PLXNA4: variants seen among roughly 807,000 people sequenced by gnomAD.
PLXNA4 encodes the protein plexin A4.
PLXNA4 carries 44 observed loss-of-function variants against 191.8 expected under a neutral mutation model. That is an observed-to-expected ratio of 0.23 (90% confidence interval 0.18 to 0.29). PLXNA4 has a LOEUF of 0.29. Among genes scored for constraint, PLXNA4 ranks in the 10% least tolerant of loss-of-function variants. PLXNA4 has a pLI of 1.00. For synonymous variants in PLXNA4, 1,082 were observed against 1,009.5 expected (o/e 1.07, Z -1.36); for missense variants, 1,800 against 2,488.8 (o/e 0.72, Z 5.89).
At chr7:132,430,294 G>A (rs1795211530) in intron 3 of PLXNA4, among the ~76,000 whole-genome samples, 1 of 152,170 alleles carries the variant, frequency 6.6e-6, no homozygotes, top group African/African-American at 2.4e-5. Flanking sequence ...TGACAGCAGG[G>A]ACATTACTCC....
intron 3 of PLXNA4, among the ~76,000 whole-genome samples, chr7:132,450,734 T>C (rs141614924): frequency 7.9e-5 from 12 of 152,334 alleles, no homozygotes; most frequent in African/African-American, 2.9e-4. Flanking sequence ...TCCCCAGGAC[T>C]CCTAGCCCCC....
chr7:132,404,880 A>G (rs1356235718), intron 3 of PLXNA4, among the ~76,000 whole-genome samples: 5 of 152,086 alleles, frequency 3.3e-5, no homozygotes, highest in Non-Finnish European at 5.9e-5. Flanking sequence ...ACGAAGCTTC[A>G]GGGGGAGTAC....
intron 3 of PLXNA4, among the ~76,000 whole-genome samples, chr7:132,412,110 C>T (rs183314959): frequency 3.3e-5 from 5 of 152,328 alleles, no homozygotes; most frequent in Admixed American, 6.5e-5. Context: ...TCCTCACATT[C>T]TTTAGGTCTC....
Position 132,180,022 on chromosome 7 carries a change from G to T in PLXNA4, c.3640-101C>A, listed in dbSNP as rs1214076501. 5 of 1,457,648 alleles carry T rather than the reference G, an allele frequency of 3.4e-6. No individual in the cohort carries two copies. The African/African-American group carries it at 5.6e-5, about 16-fold the overall frequency. 90.3% of individuals were successfully genotyped at this position (1,457,648 alleles called of 1,614,324 possible). On this transcript the variant is annotated intron_variant, in intron 19 of 31. Coordinates refer to ENST00000321063, the MANE Select transcript of PLXNA4 (RefSeq NM_020911.2). ...AACTAGTGACCAGGGCAGGATGACG[G>T]AAAGGAGACCAATCACTGGTGTCAA...
At chr7:132,634,231 G>A (rs1185225117) in intron 2 of PLXNA4, among the ~76,000 whole-genome samples, 1 of 152,126 alleles carries the variant, frequency 6.6e-6, no homozygotes, top group East Asian at 1.9e-4. Context: ...AGGTTCCCGG[G>A]TAGAGGATAC....
intron 1 of PLXNA4, among the ~76,000 whole-genome samples, chr7:132,548,409 T>C (rs1040238818): frequency 2.0e-5 from 3 of 152,170 alleles, no homozygotes; most frequent in Admixed American, 2.0e-4. Flanking sequence ...TGTATGTATT[T>C]GGGGGTTTTG....
At chr7:132,164,837 T>C (rs1291779796) in intron 23 of PLXNA4, among the ~76,000 whole-genome samples, 3 of 152,264 alleles carry the variant, frequency 2.0e-5, no homozygotes, top group Middle Eastern at 3.4e-3. Flanking sequence ...AATGGGCAAA[T>C]TGTTTTTAAC....
chr7:132,501,700 G>C (rs1235945669), intron 2 of PLXNA4, among the ~76,000 whole-genome samples: 2 of 152,220 alleles, frequency 1.3e-5, no homozygotes, highest in Non-Finnish European at 2.9e-5. Flanking sequence ...CTAAATACCT[G>C]AGACAGGTGC....
At chr7:132,385,322 T>C (rs1267098158) in intron 3 of PLXNA4, 13 of 1,597,308 alleles carry the variant, frequency 8.1e-6, no homozygotes, top group Non-Finnish European at 1.1e-5. Context: ...CTTAGCAGAC[T>C]TAGACCATGG....
chr7:132,206,388 C>A (rs1327193717), intron 10 of PLXNA4, among the ~76,000 whole-genome samples: 1 of 151,534 alleles, frequency 6.6e-6, no homozygotes, highest in Non-Finnish European at 1.5e-5. Flanking sequence ...CTGTGCCAGA[C>A]CCTTAATATG....
intron 2 of PLXNA4, among the ~76,000 whole-genome samples, chr7:132,614,921 A>T (rs1190425581): frequency 6.6e-6 from 1 of 152,116 alleles, no homozygotes; most frequent in Non-Finnish European, 1.5e-5. Context: ...GCCGGCTTCC[A>T]AGTTCCAGAG....
chr7:132,645,115 C>A (rs1212624547), intron 2 of PLXNA4, among the ~76,000 whole-genome samples: 1 of 152,294 alleles, frequency 6.6e-6, no homozygotes, highest in South Asian at 2.1e-4. Context: ...ACTAACGATG[C>A]CCATTAAGAA....
At chr7:132,579,287 T>A (rs1802355352), upstream of PLXNA4, among the ~76,000 whole-genome samples, 1 of 152,066 alleles carries the variant, frequency 6.6e-6, no homozygotes, top group South Asian at 2.1e-4. Context: ...TGTTGGCCAC[T>A]CAGCTTTCAG....
chr7:132,560,102 A>G (rs1216159462), intron 1 of PLXNA4, among the ~76,000 whole-genome samples: 1 of 152,218 alleles, frequency 6.6e-6, no homozygotes, highest in Non-Finnish European at 1.5e-5. Context: ...GTGGGATTAG[A>G]CCAACAGGAC....
intron 3 of PLXNA4, among the ~76,000 whole-genome samples, chr7:132,309,335 G>A (rs1291756991): frequency 7.9e-5 from 12 of 152,142 alleles, no homozygotes; most frequent in Admixed American, 7.9e-4. Flanking sequence ...CAGAGGTGGG[G>A]CTGGCAGGAT....
At chr7:132,150,127 T>A (rs1182542232) in intron 25 of PLXNA4, among the ~76,000 whole-genome samples, 1 of 152,160 alleles carries the variant, frequency 6.6e-6, no homozygotes, top group Admixed American at 6.5e-5. Context: ...CTGGGGACCA[T>A]CCATCCCTTA....
chr7:132,133,191 G>A lies in PLXNA4; in HGVS notation c.5447C>T (p.Ser1816Leu). 4.3e-6 allele frequency: 7 copies of A among 1,614,086 alleles called. No homozygotes were observed. The highest frequency in any genetic ancestry group is 5.9e-6 in the Non-Finnish European group (7 of 1,179,988). ...GATGGCTGGCATCTTCCCTATGTCT[G>A]AGTAATACCTGTGGAGGGATGGAAA... Reference protein sequence around the residue: ...SYKNWVERYYSDIGKMPAISD... With the variant: ...SYKNWVERYYLDIGKMPAISD... The change falls in exon 31 of 32, where the codon TCA (serine) becomes TTA (leucine). Residue 1816 changes from serine to leucine, a missense_variant. Transcript: ENST00000321063.
intron 3 of PLXNA4, among the ~76,000 whole-genome samples, chr7:132,327,377 T>C (rs1173155069): frequency 3.3e-5 from 5 of 152,092 alleles, no homozygotes; most frequent in African/African-American, 9.7e-5. Flanking sequence ...AATATATAGA[T>C]TTTTTAAGAT....
At chr7:132,242,559 G>A (rs1798916099) in intron 4 of PLXNA4, among the ~76,000 whole-genome samples, 1 of 151,856 alleles carries the variant, frequency 6.6e-6, no homozygotes, top group African/African-American at 2.4e-5. Context: ...TTCCCTTTAT[G>A]CATCTTTTTG....
Sources: allele counts gnomAD v4.1 joint callset (sites outside exome capture counted in the v4.1 genomes callset), GRCh38; gene constraint gnomAD v4.1.1; transcripts MANE v1.5; gene names NCBI Gene and HGNC (gene_info 2026-07-23, HGNC 2026-07-21).